ACER3: variants seen among roughly 807,000 people sequenced by gnomAD.
The protein encoded by ACER3 is alkaline ceramidase 3.
ACER3 carries 16 observed loss-of-function variants against 48.9 expected under a neutral mutation model. The ratio of observed to expected loss-of-function variants is 0.33; its 90% CI spans 0.22 to 0.50. ACER3 has a LOEUF of 0.50. Among genes scored for constraint, ACER3 ranks in the 20% least tolerant of loss-of-function variants. The pLI is 0.98. For missense variants in ACER3, 227 were observed against 326.0 expected (o/e 0.70, Z 2.34); for synonymous variants, 109 against 107.8 (o/e 1.01, Z -0.07).
At chr11:76,868,387 CTCTCTGTGTGTGTGTGTGTGTGTGTG>C in intron 1 of ACER3, 1 of 413,776 alleles carries the variant, frequency 2.4e-6, no homozygotes, top group South Asian at 2.4e-5. Context: ...CTCTCTCTCT[CTCTCTGTGTGTGTGTGTGTGTGTGTG>C]TGTGTGTGTG....
chr11:76,976,976 A>G (rs918234497), intron 4 of ACER3, among the ~76,000 whole-genome samples: 14 of 152,242 alleles, frequency 9.2e-5, no homozygotes, highest in African/African-American at 3.4e-4. Context: ...ATCAATCTTG[A>G]AAGATAAAAA....
intron 1 of ACER3, among the ~76,000 whole-genome samples, chr11:76,902,811 G>A (rs951907204): frequency 2.2e-4 from 33 of 152,158 alleles, no homozygotes; most frequent in Non-Finnish European, 3.1e-4. Context: ...GCAGATGCTC[G>A]TGAGACTTGA....
chr11:76,918,998 AG>A (rs1946613802), intron 1 of ACER3, among the ~76,000 whole-genome samples: 1 of 151,974 alleles, frequency 6.6e-6, no homozygotes, highest in Non-Finnish European at 1.5e-5. Flanking sequence ...ATTGGGGAAA[AG>A]TGCTGGGTTG....
intron 2 of ACER3, 198 bp from the exon 3 acceptor site, chr11:76,958,781 A>C: frequency 3.4e-6 from 2 of 583,740 alleles, no homozygotes; most frequent in Non-Finnish European, 6.1e-6. Flanking sequence ...ATTTAGGAGA[A>C]CTTATATTGT....
chr11:76,980,352 A>G (rs1948556821), intron 4 of ACER3, among the ~76,000 whole-genome samples: 1 of 152,164 alleles, frequency 6.6e-6, no homozygotes, highest in Non-Finnish European at 1.5e-5. Context: ...TCAGATAACC[A>G]TCATATAATG....
In ACER3 at chr11:76,907,015, C is replaced by T. The variant is rs142040026; in HGVS notation, c.104-19542C>T. On this transcript the variant is annotated intron_variant, in intron 1 of 10. Transcript: ENST00000532485. ...ACAGTTTCTTCAATTGAAAAAAAAG[C>T]GTCACGTTGTATAGCATCTGGTGCA... Among the ~76,000 whole-genome samples the T allele has an allele frequency of 7.5e-3, 1,145 of 152,258 alleles. 3 individuals carry two copies. Among genetic ancestry groups the T allele is most frequent in the Non-Finnish European group, 0.012 (844 of 68,016 alleles).
At position 76,985,427 on chromosome 11, in the gene ACER3, C is replaced by T. The variant is rs532690956; in HGVS notation, c.321-216C>T. 3.3e-5 allele frequency among the ~76,000 whole-genome samples: 5 copies of T among 152,278 alleles called. 1 individual carries two copies. Among genetic ancestry groups the T allele is most frequent in the African/African-American group, 7.2e-5 (3 of 41,556 alleles). ...CTCTCCCAAACTCCAGACTCTCAGG[C>T]AAGAGCCTTTCATTGTCCCAGTTTA... On this transcript the variant is annotated intron_variant, in intron 4 of 10. Transcript: ENST00000532485.
chr11:77,012,261 T>C (rs1949282659), intron 7 of ACER3, among the ~76,000 whole-genome samples: 1 of 151,630 alleles, frequency 6.6e-6, no homozygotes, highest in Non-Finnish European at 1.5e-5. Flanking sequence ...CTACTAAAAA[T>C]ACAAAAATTA....
chr11:77,015,755 C>G (rs552622420), intron 8 of ACER3, among the ~76,000 whole-genome samples: 2 of 152,258 alleles, frequency 1.3e-5, no homozygotes, highest in African/African-American at 4.8e-5. Context: ...AGGCAATCAA[C>G]AAAATTCAGA....
chr11:76,911,043 C>T (rs1017903739), intron 1 of ACER3, among the ~76,000 whole-genome samples: 8 of 152,000 alleles, frequency 5.3e-5, no homozygotes, highest in African/African-American at 1.9e-4. Context: ...CTACTGTTAC[C>T]CAATCCAGAC....
intron 1 of ACER3, among the ~76,000 whole-genome samples, chr11:76,866,014 T>G (rs1447264463): frequency 6.9e-6 from 1 of 145,236 alleles, no homozygotes; most frequent in African/African-American, 2.5e-5. Flanking sequence ...TTGGTAGAGA[T>G]GGGGTTTCAC....
chr11:76,914,841 A>G (rs1946479364), intron 1 of ACER3, among the ~76,000 whole-genome samples: 1 of 152,212 alleles, frequency 6.6e-6, no homozygotes, highest in Admixed American at 6.5e-5. Context: ...TGTGGCACAT[A>G]TACACCATGG....
intron 3 of ACER3, among the ~76,000 whole-genome samples, chr11:76,961,139 G>A (rs1193241452): frequency 6.6e-6 from 1 of 152,130 alleles, no homozygotes; most frequent in Non-Finnish European, 1.5e-5. Context: ...GTTGCATACA[G>A]GGTAATTAAT....
At chr11:76,985,283 TG>T (rs1948664877) in intron 4 of ACER3, among the ~76,000 whole-genome samples, 1 of 152,184 alleles carries the variant, frequency 6.6e-6, no homozygotes. Context: ...TTTTATTTTT[TG>T]TGGAGACAGG....
At chr11:76,916,954 C>T (rs1179229816) in intron 1 of ACER3, among the ~76,000 whole-genome samples, 2 of 152,182 alleles carry the variant, frequency 1.3e-5, no homozygotes, top group African/African-American at 2.4e-5. Flanking sequence ...CCTGTAACCT[C>T]CCTCTTGTGA....
At chr11:76,941,877 T>G (rs2134928256) in intron 2 of ACER3, among the ~76,000 whole-genome samples, 1 of 152,190 alleles carries the variant, frequency 6.6e-6, no homozygotes, top group South Asian at 2.1e-4. Flanking sequence ...TCTCCTTGGT[T>G]AAATATATTT....
At chr11:76,884,186 A>T (rs1945613466) in intron 1 of ACER3, among the ~76,000 whole-genome samples, 1 of 151,890 alleles carries the variant, frequency 6.6e-6, no homozygotes, top group Non-Finnish European at 1.5e-5. Flanking sequence ...AGACTCAAAG[A>T]TTCCTTGCAA....
chr11:76,939,920 T>C (rs886432874), intron 2 of ACER3, among the ~76,000 whole-genome samples: 1 of 152,162 alleles, frequency 6.6e-6, no homozygotes, highest in Non-Finnish European at 1.5e-5. Context: ...AGGGACAATA[T>C]TGGATGAATC....
intron 1 of ACER3, among the ~76,000 whole-genome samples, chr11:76,911,436 T>A (rs1946375964): frequency 1.3e-5 from 2 of 152,180 alleles, no homozygotes; most frequent in African/African-American, 4.8e-5. Context: ...CAGAGGTCAC[T>A]TTTTTTGCCA....
Sources: gnomAD v4.1 joint callset for allele counts (sites outside exome capture counted in the v4.1 genomes callset) on GRCh38, gnomAD v4.1.1 for gene constraint, MANE v1.5 for transcripts, NCBI Gene and HGNC (gene_info 2026-07-23, HGNC 2026-07-21) for gene names.